Variants in CDH2 observed in about 807,000 individuals in gnomAD.
CDH2 encodes cadherin-2.
A neutral mutation model predicts 92.0 loss-of-function variants in CDH2; 17 were observed. The observed-to-expected ratio is 0.18, with a 90% CI of 0.13 to 0.28. The LOEUF (loss-of-function observed/expected upper bound fraction) is 0.28. Ranked by LOEUF, CDH2 falls within the 10% of genes least tolerant of loss-of-function variation. The pLI, the probability that CDH2 is intolerant of heterozygous loss-of-function variation, is 1.00. For synonymous variants in CDH2, 419 were observed against 415.9 expected (o/e 1.01, Z -0.09); for missense variants, 862 against 1,133.1 (o/e 0.76, Z 3.44).
chr18:28,117,853 A>C (rs762866542), intron 2 of CDH2, among the ~76,000 whole-genome samples: 13 of 152,018 alleles, frequency 8.6e-5, no homozygotes, highest in Non-Finnish European at 1.8e-4. Context: ...CCCAATCCCA[A>C]GTTGCCTGAC....
intron 2 of CDH2, among the ~76,000 whole-genome samples, chr18:28,063,073 A>AC (rs1382776219): frequency 1.3e-5 from 2 of 152,224 alleles, no homozygotes; most frequent in Non-Finnish European, 2.9e-5. Context: ...AGCTACTTAA[A>AC]CATTAGATAT....
At chr18:28,042,219 T>C (rs1293804852) in intron 2 of CDH2, among the ~76,000 whole-genome samples, 1 of 152,198 alleles carries the variant, frequency 6.6e-6, no homozygotes, top group Admixed American at 6.5e-5. Flanking sequence ...TTTTGCTTAT[T>C]CATAGACAAG....
At chr18:28,163,464 G>A (rs2016335397) in intron 1 of CDH2, among the ~76,000 whole-genome samples, 1 of 152,192 alleles carries the variant, frequency 6.6e-6, no homozygotes, top group Admixed American at 6.5e-5. Flanking sequence ...ATCAGGGCTA[G>A]GGCCAGGGAT....
At chr18:28,032,440 C>G (rs1477203862) in intron 2 of CDH2, among the ~76,000 whole-genome samples, 17 of 152,078 alleles carry the variant, frequency 1.1e-4, no homozygotes, top group Non-Finnish European at 2.2e-4. Context: ...TCATATCCAA[C>G]AGCACTGGGA....
chr18:27,987,499 C>T (rs1432707703), intron 11 of CDH2, among the ~76,000 whole-genome samples: 1 of 152,116 alleles, frequency 6.6e-6, no homozygotes, highest in African/African-American at 2.4e-5. Context: ...TTTAGTAATG[C>T]AAAATATTTT....
intron 2 of CDH2, among the ~76,000 whole-genome samples, chr18:28,071,563 C>T (rs945645115): frequency 1.3e-5 from 2 of 152,128 alleles, no homozygotes; most frequent in African/African-American, 4.8e-5. Context: ...TTTCTCATCT[C>T]CCCATTAGCC....
chr18:27,993,657 A>G lies in CDH2; in HGVS notation c.1021-20T>C. ...CACTTTCTAAAAAGACATAAAGATA[A>G]GAACTTAAATGAAACTAATTCCTCA... On this transcript the variant is annotated intron_variant, in intron 7 of 15. Transcript: ENST00000269141. 1 of 1,577,862 alleles carries G rather than the reference A, an allele frequency of 6.3e-7. No homozygotes were observed. The highest frequency in any genetic ancestry group is 1.7e-4 in the Middle Eastern group (1 of 5,958).
chr18:28,004,111 C>T (rs2012846782), intron 6 of CDH2, among the ~76,000 whole-genome samples: 1 of 152,076 alleles, frequency 6.6e-6, no homozygotes, highest in South Asian at 2.1e-4. Context: ...AAACGATTTA[C>T]CTATTTTGAT....
At chr18:28,092,413 G>T (rs11564393) in intron 2 of CDH2, among the ~76,000 whole-genome samples, 23,293 of 151,958 alleles carry the variant, frequency 0.15, 2,052 homozygotes, top group East Asian at 0.3. Flanking sequence ...AAATAAGTCA[G>T]AGGAAAAGTA....
At chr18:27,984,419 C>A (rs1197220772) in intron 13 of CDH2, among the ~76,000 whole-genome samples, 1 of 151,794 alleles carries the variant, frequency 6.6e-6, no homozygotes, top group Non-Finnish European at 1.5e-5. Context: ...TAAAAAGAAG[C>A]AATTCCTTAA....
intron 2 of CDH2, among the ~76,000 whole-genome samples, chr18:28,096,407 CTTTTT>C (rs200109784): frequency 7.2e-6 from 1 of 138,202 alleles, no homozygotes; most frequent in Non-Finnish European, 1.6e-5. Flanking sequence ...GAGGCAAGTT[CTTTTT>C]TTTTTTTTTT....
chr18:28,176,579 T>A (rs913217305), intron 1 of CDH2, among the ~76,000 whole-genome samples: 1 of 151,960 alleles, frequency 6.6e-6, no homozygotes, highest in Admixed American at 6.6e-5. Flanking sequence ...AACAAAAAAA[T>A]TGGAGCAAAG....
At chr18:27,960,142 C>T (rs1028368748) in intron 15 of CDH2, among the ~76,000 whole-genome samples, 1 of 152,112 alleles carries the variant, frequency 6.6e-6, no homozygotes, top group Non-Finnish European at 1.5e-5. Context: ...CACTGTGCCC[C>T]ATACTGGCCC....
chr18:28,168,236 T>C (rs773589178), intron 1 of CDH2, among the ~76,000 whole-genome samples: 1 of 152,086 alleles, frequency 6.6e-6, no homozygotes, highest in Non-Finnish European at 1.5e-5. Flanking sequence ...AGTAAAATAG[T>C]TCTAGGTTTT....
At position 27,985,142 on chromosome 18, in the gene CDH2, G is replaced by A; in HGVS notation, c.2067C>T (p.Pro689=). 1.2e-6 allele frequency: 2 copies of A among 1,613,576 alleles called. No homozygotes were observed. Among genetic ancestry groups the A allele is most frequent in the Non-Finnish European group, 1.7e-6 (2 of 1,179,492 alleles). ...PIIITDSGNP[P]KSNISILRVK... Reference sequence around the variant, plus strand: ...CACGCAGGATGGAAATATTTGATTTGGGAGGATTACCCGAATCTGTGATTA... The same window carrying A: ...CACGCAGGATGGAAATATTTGATTTAGGAGGATTACCCGAATCTGTGATTA... Residue 689 remains proline, a synonymous_variant, in exon 13 of 16, where the codon CCC becomes CCT. Coordinates refer to ENST00000269141, the MANE Select transcript of CDH2 (RefSeq NM_001792.5).
intron 6 of CDH2, among the ~76,000 whole-genome samples, chr18:27,936,286 T>C (rs1196109571): frequency 6.6e-6 from 1 of 152,160 alleles, no homozygotes; most frequent in African/African-American, 2.4e-5. Context: ...GCAGACATTG[T>C]TATATGCTCA....
chr18:28,131,448 A>G (rs1013168653), intron 2 of CDH2, among the ~76,000 whole-genome samples: 1 of 152,158 alleles, frequency 6.6e-6, no homozygotes, highest in African/African-American at 2.4e-5. Flanking sequence ...ACATCTGGGC[A>G]AGTTACAGAA....
downstream of CDH2, among the ~76,000 whole-genome samples, chr18:27,948,902 G>A (rs1029003431): frequency 2.0e-5 from 3 of 151,832 alleles, no homozygotes; most frequent in African/African-American, 7.2e-5. Flanking sequence ...TTTTATCATT[G>A]AAAATAACCA....
intron 2 of CDH2, among the ~76,000 whole-genome samples, chr18:28,052,936 A>C (rs544765116): frequency 6.6e-6 from 1 of 152,270 alleles, no homozygotes; most frequent in Non-Finnish European, 1.5e-5. Flanking sequence ...TTAAAGAGGT[A>C]ATTAAGGTAA....
Sources: allele counts gnomAD v4.1 joint callset (sites outside exome capture counted in the v4.1 genomes callset), GRCh38; gene constraint gnomAD v4.1.1; transcripts MANE v1.5; gene names NCBI Gene and HGNC (gene_info 2026-07-23, HGNC 2026-07-21).